The following ERP44 variants were observed in gnomAD, a reference collection of about 807,000 sequenced individuals.
The protein encoded by ERP44 is endoplasmic reticulum protein 44.
In ERP44, 25 loss-of-function variants were observed where a neutral mutation model predicts 53.4. That is an observed-to-expected ratio of 0.47 (90% confidence interval 0.34 to 0.65). The LOEUF is 0.65. Ranked by LOEUF, ERP44 falls within the 30% of genes least tolerant of loss-of-function variation. ERP44 has a pLI of 0.01. For missense variants in ERP44, 338 were observed against 493.2 expected, an observed-to-expected ratio of 0.69 and a Z score of 2.98; for synonymous variants, 145 against 161.2, an observed-to-expected ratio of 0.90 and a Z score of 0.76.
At chr9:100,018,547 A>G (rs779990811) in intron 6 of ERP44, among the ~76,000 whole-genome samples, 4 of 152,154 alleles carry the variant, frequency 2.6e-5, no homozygotes, top group Non-Finnish European at 4.4e-5. Context: ...TAGCACTAAA[A>G]GGTTGTTTTT....
intron 1 of ERP44, among the ~76,000 whole-genome samples, chr9:100,075,061 C>T (rs1826341473): frequency 6.6e-6 from 1 of 152,192 alleles, no homozygotes; most frequent in African/African-American, 2.4e-5. Context: ...AAGTCAAAAA[C>T]AATATCGCAT....
chr9:100,066,606 C>T (rs1039963739), intron 1 of ERP44, among the ~76,000 whole-genome samples: 1 of 152,212 alleles, frequency 6.6e-6, no homozygotes, highest in Non-Finnish European at 1.5e-5. Flanking sequence ...ATGTACCAGG[C>T]AACAGTTATC....
chr9:100,009,136 G>T (rs1169298098), intron 8 of ERP44, among the ~76,000 whole-genome samples: 2 of 152,014 alleles, frequency 1.3e-5, no homozygotes, highest in African/African-American at 4.8e-5. Context: ...TTTTGAGACG[G>T]AGTCTCACTC....
intron 1 of ERP44, among the ~76,000 whole-genome samples, chr9:100,097,496 C>T (rs149860982): frequency 3.6e-4 from 55 of 152,196 alleles, no homozygotes; most frequent in Non-Finnish European, 6.9e-4. Context: ...AAATGTATCA[C>T]AGTGTATAAT....
intron 10 of ERP44, among the ~76,000 whole-genome samples, chr9:99,999,942 C>T (rs1455982472): frequency 6.6e-6 from 1 of 152,168 alleles, no homozygotes; most frequent in Non-Finnish European, 1.5e-5. Flanking sequence ...ATTGAAGAGA[C>T]TCTCTTTTCT....
At chr9:100,087,159 G>T (rs1337124144) in intron 1 of ERP44, among the ~76,000 whole-genome samples, 1 of 151,490 alleles carries the variant, frequency 6.6e-6, no homozygotes, top group Non-Finnish European at 1.5e-5. Context: ...AAAACCAATG[G>T]ACTATACGAC....
At chr9:100,067,447 C>T (rs1377153672) in intron 1 of ERP44, among the ~76,000 whole-genome samples, 1 of 152,228 alleles carries the variant, frequency 6.6e-6, no homozygotes, top group Non-Finnish European at 1.5e-5. Context: ...CCAGCCTCGG[C>T]CTCCCGAGGT....
At chr9:100,029,298 T>C (rs990254749) in intron 4 of ERP44, among the ~76,000 whole-genome samples, 19 of 152,296 alleles carry the variant, frequency 1.2e-4, no homozygotes, top group African/African-American at 4.3e-4. Flanking sequence ...GATAAGGGAT[T>C]AACATCCAGA....
intron 7 of ERP44, 52 bp downstream of exon 7, chr9:100,018,204 G>T (rs534506510): frequency 5.7e-6 from 6 of 1,044,328 alleles, no homozygotes; most frequent in African/African-American, 1.6e-5. Context: ...TACATCTTAC[G>T]CATGTATTTA....
chr9:99,985,942 G>A (rs967456647), intron 10 of ERP44, among the ~76,000 whole-genome samples: 1 of 152,132 alleles, frequency 6.6e-6, no homozygotes, highest in African/African-American at 2.4e-5. Context: ...ATGGCTTCAG[G>A]ATATTCTGAG....
At chr9:100,028,521 G>A (rs536977910) in intron 4 of ERP44, among the ~76,000 whole-genome samples, 12 of 152,272 alleles carry the variant, frequency 7.9e-5, no homozygotes, top group Non-Finnish European at 1.2e-4. Context: ...TGTGTGTTTC[G>A]AAATTTTGGA....
At chr9:100,062,424 A>G (rs1826161318) in intron 1 of ERP44, among the ~76,000 whole-genome samples, 1 of 152,232 alleles carries the variant, frequency 6.6e-6, no homozygotes, top group Non-Finnish European at 1.5e-5. Context: ...ATAACTGTGG[A>G]ACCCAATAAT....
chr9:100,057,972 G>C (rs2118714533), intron 2 of ERP44, 113 bp from the exon 3 acceptor site: 1 of 766,636 alleles, frequency 1.3e-6, no homozygotes, highest in Non-Finnish European at 2.2e-6. Flanking sequence ...AAAAAACACA[G>C]TAACTATTAT....
At chr9:100,098,642 G>A (rs905088840) in intron 1 of ERP44, 142 bp downstream of exon 1, 13 of 640,188 alleles carry the variant, frequency 2.0e-5, no homozygotes, top group African/African-American at 1.7e-4. Flanking sequence ...ACAGGCGAGA[G>A]TGAGGGCAGC....
intron 1 of ERP44, among the ~76,000 whole-genome samples, chr9:100,065,496 AT>A (rs895334371): frequency 2.0e-5 from 3 of 152,236 alleles, no homozygotes; most frequent in African/African-American, 2.4e-5. Flanking sequence ...ACAAAAAAAA[AT>A]AAGTATGTGA....
chr9:100,007,833 A>G, intron 8 of ERP44, 144 bp from the exon 9 acceptor site: 1 of 636,822 alleles, frequency 1.6e-6, no homozygotes, highest in Non-Finnish European at 2.8e-6. Flanking sequence ...AGTGGTGTGA[A>G]TAAACATTAG....
chr9:99,990,964 A>G (rs1830247316), intron 10 of ERP44, among the ~76,000 whole-genome samples: 1 of 152,260 alleles, frequency 6.6e-6, no homozygotes, highest in Non-Finnish European at 1.5e-5. Flanking sequence ...AAGAAGAGCT[A>G]ACTATCCTAA....
At chr9:100,069,318 CAAA>C (rs1033379479) in intron 1 of ERP44, among the ~76,000 whole-genome samples, 1 of 127,156 alleles carries the variant, frequency 7.9e-6, no homozygotes. Context: ...CCAAACCAAC[CAAA>C]AAAAAGAAAA....
At chr9:100,049,857 T>C (rs937316581) in intron 4 of ERP44, among the ~76,000 whole-genome samples, 8 of 152,216 alleles carry the variant, frequency 5.3e-5, no homozygotes, top group Non-Finnish European at 1.2e-4. Flanking sequence ...TAAAGATTTA[T>C]ATCTGAATGT....
Sources: gnomAD v4.1 joint callset for allele counts (sites outside exome capture counted in the v4.1 genomes callset) on GRCh38, gnomAD v4.1.1 for gene constraint, MANE v1.5 for transcripts, NCBI Gene and HGNC (gene_info 2026-07-23, HGNC 2026-07-21) for gene names.